ACAP2: variants seen among roughly 807,000 people sequenced by gnomAD.
ACAP2 encodes ArfGAP with coiled-coil, ankyrin repeat and PH domains 2.
A neutral mutation model predicts 115.8 loss-of-function variants in ACAP2; 39 were observed. The ratio of observed to expected loss-of-function variants is 0.34; its 90% CI spans 0.26 to 0.44. The LOEUF (loss-of-function observed/expected upper bound fraction) is 0.44. ACAP2 is among the 20% of genes least tolerant of loss of function. ACAP2 has a pLI of 1.00. For missense variants in ACAP2, 662 were observed against 927.6 expected, an observed-to-expected ratio of 0.71 and a Z score of 3.72; for synonymous variants, 289 against 315.8, an observed-to-expected ratio of 0.92 and a Z score of 0.90.
At chr3:195,399,894 T>C (rs971021363) in intron 1 of ACAP2, among the ~76,000 whole-genome samples, 1 of 152,078 alleles carries the variant, frequency 6.6e-6, no homozygotes, top group African/African-American at 2.4e-5. Context: ...ATCCAGATAA[T>C]AGGACCGGGT....
intron 16 of ACAP2, among the ~76,000 whole-genome samples, chr3:195,296,508 G>GTCTTAATT (rs1727665235): frequency 6.6e-6 from 1 of 152,090 alleles, no homozygotes; most frequent in African/African-American, 2.4e-5. Flanking sequence ...TCTTGTTTTA[G>GTCTTAATT]TAAATAATTA....
intron 5 of ACAP2, among the ~76,000 whole-genome samples, chr3:195,343,284 G>A (rs562828597): frequency 5.9e-5 from 9 of 152,166 alleles, no homozygotes; most frequent in South Asian, 2.1e-4. Flanking sequence ...ATTTTTAAAC[G>A]GTAGTATACA....
At chr3:195,337,591 G>A (rs948317012) in intron 6 of ACAP2, among the ~76,000 whole-genome samples, 65 of 152,026 alleles carry the variant, frequency 4.3e-4, no homozygotes, top group African/African-American at 1.4e-3. Flanking sequence ...TGGGATTACC[G>A]GCTTGTGCCA....
At chr3:195,356,221 A>C in intron 4 of ACAP2, 1 of 456,452 alleles carries the variant, frequency 2.2e-6, no homozygotes, top group Non-Finnish European at 4.4e-6. Flanking sequence ...GTGGGACTAC[A>C]AGCCGGAACG....
At chr3:195,423,254 T>C (rs7621133) in intron 1 of ACAP2, among the ~76,000 whole-genome samples, 42,098 of 151,982 alleles carry the variant, frequency 0.28, 6,597 homozygotes, top group East Asian at 0.71. Flanking sequence ...TGTGCCAAAA[T>C]AGTAACAACC....
chr3:195,425,308 C>A (rs949224586), intron 1 of ACAP2, among the ~76,000 whole-genome samples: 1 of 152,070 alleles, frequency 6.6e-6, no homozygotes. Context: ...TTAAATAAGA[C>A]CCCAGGTGTC....
At chr3:195,286,415 T>G (rs1450989255) in intron 21 of ACAP2, among the ~76,000 whole-genome samples, 1 of 152,366 alleles carries the variant, frequency 6.6e-6, no homozygotes. Flanking sequence ...GTTACTCATC[T>G]TGGCAGCAGA....
intron 4 of ACAP2, among the ~76,000 whole-genome samples, chr3:195,371,590 T>C (rs1440216180): frequency 1.3e-5 from 2 of 152,168 alleles, no homozygotes; most frequent in African/African-American, 2.4e-5. Context: ...TCCAATACTA[T>C]GTTGAATAGG....
intron 1 of ACAP2, among the ~76,000 whole-genome samples, chr3:195,439,495 T>C (rs1715842025): frequency 6.6e-6 from 1 of 152,186 alleles, no homozygotes; most frequent in African/African-American, 2.4e-5. Flanking sequence ...TTTTTATACT[T>C]GAACACTGCT....
At chr3:195,319,255 G>T (rs774466357) in intron 10 of ACAP2, among the ~76,000 whole-genome samples, 3 of 152,220 alleles carry the variant, frequency 2.0e-5, no homozygotes, top group Non-Finnish European at 2.9e-5. Flanking sequence ...GAGCCCTCAT[G>T]GAGAACCTCT....
At chr3:195,373,123 G>A (rs1733287676) in intron 4 of ACAP2, among the ~76,000 whole-genome samples, 1 of 150,730 alleles carries the variant, frequency 6.6e-6, no homozygotes, top group African/African-American at 2.4e-5. Flanking sequence ...ACTACAAGAT[G>A]TAAACTTACA....
rs1431571807 is a variant in ACAP2 at position 195,316,072 on chromosome 3, C to T, written c.857+4629G>A. On this transcript the variant is annotated intron_variant, in intron 10 of 22. Transcript: ENST00000326793. Reference sequence around the variant, plus strand: ...TGTTTCTATGGATTTACTGTATTTTCACTTTGTTAAACTTTAAGTAGGTTG... The same window carrying T: ...TGTTTCTATGGATTTACTGTATTTTTACTTTGTTAAACTTTAAGTAGGTTG... Among the ~76,000 whole-genome samples the T allele has an allele frequency of 2.0e-5, 3 of 152,060 alleles. No individual in the cohort carries two copies. The East Asian group carries it at 5.8e-4, about 29-fold the overall frequency.
At chr3:195,291,436 A>G (rs768506132) in intron 20 of ACAP2, among the ~76,000 whole-genome samples, 1 of 152,268 alleles carries the variant, frequency 6.6e-6, no homozygotes, top group African/African-American at 2.4e-5. Flanking sequence ...CACAATTTTA[A>G]TAACAGAGAA....
intron 6 of ACAP2, 28 bp downstream of exon 6, chr3:195,342,442 GA>G (rs752281265): frequency 1.3e-6 from 2 of 1,560,618 alleles, no homozygotes; most frequent in South Asian, 2.4e-5. Context: ...AGCACTGTCT[GA>G]AAACATACAC....
chr3:195,385,264 A>G (rs1734222006), intron 2 of ACAP2, among the ~76,000 whole-genome samples: 1 of 148,536 alleles, frequency 6.7e-6, no homozygotes, highest in Admixed American at 6.8e-5. Context: ...AAAAAAAAAG[A>G]TTCTTAGCAC....
chr3:195,340,458 G>C (rs1218933208), intron 6 of ACAP2, among the ~76,000 whole-genome samples: 1 of 151,830 alleles, frequency 6.6e-6, no homozygotes, highest in Non-Finnish European at 1.5e-5. Context: ...TTCAAGCAAG[G>C]GGCATGATGA....
intron 21 of ACAP2, among the ~76,000 whole-genome samples, chr3:195,287,335 T>C (rs1333539214): frequency 2.0e-5 from 3 of 152,242 alleles, no homozygotes; most frequent in Non-Finnish European, 2.9e-5. Flanking sequence ...AAAGATCACA[T>C]TACATTTTAT....
chr3:195,279,459 C>T (rs368460740), intron 22 of ACAP2, 31 bp from the exon 23 acceptor site: 2 of 1,351,530 alleles, frequency 1.5e-6, no homozygotes, highest in East Asian at 2.4e-5. Context: ...ACACTTTAAA[C>T]ATTTACACAA....
chr3:195,406,425 A>G (rs949808210), intron 1 of ACAP2, among the ~76,000 whole-genome samples: 1 of 152,228 alleles, frequency 6.6e-6, no homozygotes, highest in African/African-American at 2.4e-5. Context: ...CTACAGATAC[A>G]GTGGATACTC....
Sources: allele counts gnomAD v4.1 joint callset (sites outside exome capture counted in the v4.1 genomes callset), GRCh38; gene constraint gnomAD v4.1.1; transcripts MANE v1.5; gene names NCBI Gene and HGNC (gene_info 2026-07-23, HGNC 2026-07-21).